The following AGBL1 variants were observed in gnomAD, a reference collection of about 807,000 sequenced individuals.
AGBL1 encodes AGBL carboxypeptidase 1.
In AGBL1, 130 loss-of-function variants were observed where a neutral mutation model predicts 118.9. That is an observed-to-expected ratio of 1.09 (90% confidence interval 0.95 to 1.26). The LOEUF is 1.26. Ranked by LOEUF, AGBL1 falls within the 50% of genes most tolerant of loss-of-function variation. AGBL1 has a pLI of 0.00. For missense variants in AGBL1, 1,584 were observed against 1,298.1 expected (o/e 1.22, Z -3.38); for synonymous variants, 555 against 478.9 (o/e 1.16, Z -2.08).
At chr15:86,243,663 G>A (rs1260834716) in intron 6 of AGBL1, among the ~76,000 whole-genome samples, 2 of 152,028 alleles carry the variant, frequency 1.3e-5, no homozygotes, top group South Asian at 2.1e-4. Flanking sequence ...TAATACGAAA[G>A]ACCCTCAGAA....
At chr15:86,489,947 C>T (rs569528927) in intron 18 of AGBL1, among the ~76,000 whole-genome samples, 165 of 152,082 alleles carry the variant, frequency 1.1e-3, no homozygotes, top group Non-Finnish European at 1.1e-3. Context: ...AAACAGCAGG[C>T]AGGAAAAGTG....
chr15:86,858,524 A>G (rs1317559132), intron 22 of AGBL1, among the ~76,000 whole-genome samples: 5 of 151,542 alleles, frequency 3.3e-5, no homozygotes, highest in Admixed American at 1.3e-4. Context: ...GGTAACTACA[A>G]CATGGTAATT....
At chr15:86,648,787 A>G (rs2085326506) in intron 21 of AGBL1, among the ~76,000 whole-genome samples, 1 of 152,192 alleles carries the variant, frequency 6.6e-6, no homozygotes, top group South Asian at 2.1e-4. Context: ...AGAATATTGT[A>G]ATGAAGAATA....
chr15:87,007,991 T>C (rs1336191762), intron 24 of AGBL1, among the ~76,000 whole-genome samples: 1 of 152,352 alleles, frequency 6.6e-6, no homozygotes, highest in Admixed American at 6.5e-5. Context: ...TTTGGATTAT[T>C]CATTGCTGAA....
intron 22 of AGBL1, among the ~76,000 whole-genome samples, chr15:86,736,560 A>G (rs1471249416): frequency 6.6e-6 from 1 of 152,170 alleles, no homozygotes; most frequent in Non-Finnish European, 1.5e-5. Context: ...CACCAAGGCT[A>G]TAAGTGATGT....
intron 21 of AGBL1, among the ~76,000 whole-genome samples, chr15:86,601,934 C>T (rs1189616655): frequency 1.3e-5 from 2 of 152,132 alleles, no homozygotes; most frequent in African/African-American, 4.8e-5. Flanking sequence ...TTGGCTTAAC[C>T]ATATACTCTT....
intron 5 of AGBL1, among the ~76,000 whole-genome samples, chr15:86,190,640 G>T (rs962357572): frequency 6.6e-6 from 1 of 152,110 alleles, no homozygotes; most frequent in Non-Finnish European, 1.5e-5. Flanking sequence ...AGATATAACT[G>T]ACTCAGGCTG....
intron 14 of AGBL1, 115 bp from the exon 15 acceptor site, chr15:86,271,504 A>G: frequency 2.5e-6 from 2 of 805,540 alleles, no homozygotes; most frequent in South Asian, 3.0e-5. Flanking sequence ...TTGGCGATAT[A>G]TAGTTAACAG....
intron 5 of AGBL1, among the ~76,000 whole-genome samples, chr15:86,167,196 T>A (rs72750298): frequency 6.6e-6 from 1 of 151,946 alleles, no homozygotes; most frequent in Admixed American, 6.6e-5. Context: ...CAGGAGGGAC[T>A]CTTGTGGTTT....
chr15:86,599,677 T>A (rs1459077259), intron 21 of AGBL1, among the ~76,000 whole-genome samples: 1 of 152,104 alleles, frequency 6.6e-6, no homozygotes, highest in Non-Finnish European at 1.5e-5. Flanking sequence ...TCAATTCCTA[T>A]CCTTGCCAGT....
intron 6 of AGBL1, among the ~76,000 whole-genome samples, chr15:86,242,769 T>C (rs754659171): frequency 3.3e-5 from 5 of 152,234 alleles, no homozygotes; most frequent in Non-Finnish European, 5.9e-5. Flanking sequence ...AGAGCAGTGA[T>C]AACAACTTCC....
intron 22 of AGBL1, among the ~76,000 whole-genome samples, chr15:86,685,806 A>G (rs1180562028): frequency 1.3e-5 from 2 of 152,172 alleles, no homozygotes; most frequent in Non-Finnish European, 2.9e-5. Context: ...TCTGAAACAT[A>G]TTGCAAATGA....
At chr15:86,512,183 T>A (rs1438120082) in intron 18 of AGBL1, among the ~76,000 whole-genome samples, 1 of 151,940 alleles carries the variant, frequency 6.6e-6, no homozygotes, top group Non-Finnish European at 1.5e-5. Flanking sequence ...ACCATTATAG[T>A]AAGGTAAAAT....
intron 3 of AGBL1, among the ~76,000 whole-genome samples, chr15:86,144,462 C>T (rs1000157591): frequency 6.6e-6 from 1 of 152,194 alleles, no homozygotes; most frequent in Non-Finnish European, 1.5e-5. Flanking sequence ...TACACATACA[C>T]CATGGAATAC....
At chr15:86,867,486 T>TA (rs1158205819) in intron 22 of AGBL1, among the ~76,000 whole-genome samples, 1 of 152,182 alleles carries the variant, frequency 6.6e-6, no homozygotes, top group African/African-American at 2.4e-5. Context: ...ACAGTTTTTT[T>TA]AAAAAATTAA....
At chr15:86,725,843 T>G (rs903354529) in intron 22 of AGBL1, among the ~76,000 whole-genome samples, 1 of 152,216 alleles carries the variant, frequency 6.6e-6, no homozygotes, top group African/African-American at 2.4e-5. Flanking sequence ...TACCAGTGAT[T>G]GCTGCAGATT....
intron 21 of AGBL1, among the ~76,000 whole-genome samples, chr15:86,591,646 C>T (rs1044859613): frequency 6.6e-6 from 1 of 152,144 alleles, no homozygotes; most frequent in African/African-American, 2.4e-5. Context: ...GAGCTTCCAT[C>T]CCCTCTCTAG....
chr15:86,230,187 C>T (rs78801903), intron 6 of AGBL1, among the ~76,000 whole-genome samples: 1 of 152,160 alleles, frequency 6.6e-6, no homozygotes, highest in South Asian at 2.1e-4. Flanking sequence ...GGAGGGCATT[C>T]TAAGTGCTGA....
rs867343734 is a variant in AGBL1 at position 86,213,417 on chromosome 15, G to A, written c.489-11497G>A. 2.6e-5 allele frequency among the ~76,000 whole-genome samples: 4 copies of A among 152,298 alleles called. No homozygotes were observed. The South Asian group carries it at 6.2e-4, about 24-fold the overall frequency. ...GTGAGATTCCTAGACCATAGCATTA[G>A]CAACACCTGGGAGGTTGTTGGAAGT... On this transcript the variant is annotated intron_variant, in intron 5 of 22. Transcript: ENST00000614907.
Sources: allele counts gnomAD v4.1 joint callset (sites outside exome capture counted in the v4.1 genomes callset), GRCh38; gene constraint gnomAD v4.1.1; transcripts MANE v1.5; gene names NCBI Gene and HGNC (gene_info 2026-07-23, HGNC 2026-07-21).